C12orf42: variants seen among roughly 807,000 people sequenced by gnomAD.
C12orf42 encodes chromosome 12 open reading frame 42, also known as uncharacterized protein C12orf42.
Under a neutral mutation model 21.6 loss-of-function variants are expected in C12orf42, and 25 were observed. That is an observed-to-expected ratio of 1.16 (90% CI 0.84 to 1.62). C12orf42 has a LOEUF of 1.62. Among genes scored for constraint, C12orf42 ranks in the 40% most tolerant of loss-of-function variants. C12orf42 has a pLI of 0.00. For missense variants in C12orf42, 483 were observed against 459.3 expected (o/e 1.05, Z -0.47); for synonymous variants, 174 against 175.0 (o/e 0.99, Z 0.05).
intron 1 of C12orf42, among the ~76,000 whole-genome samples, chr12:103,480,799 TTA>T (rs1338538063): frequency 6.6e-6 from 1 of 151,652 alleles, no homozygotes; most frequent in Non-Finnish European, 1.5e-5. Context: ...ATTGAGAATT[TTA>T]TAGTCTCCAT....
chr12:103,256,584 C>T (rs2034630444), intron 10 of C12orf42, among the ~76,000 whole-genome samples: 1 of 152,052 alleles, frequency 6.6e-6, no homozygotes, highest in Admixed American at 6.6e-5. Context: ...ACCTAAGAAA[C>T]TGAAAATAGA....
chr12:103,435,095 T>TGACCCCC (rs769619302), intron 2 of C12orf42, among the ~76,000 whole-genome samples: 1 of 152,094 alleles, frequency 6.6e-6, no homozygotes, highest in South Asian at 2.1e-4. Flanking sequence ...CCCTGACCCC[T>TGACCCCC]GACCCCCGAG....
At chr12:103,547,444 T>C in the C12orf42 span, among the ~76,000 whole-genome samples, 1 of 152,198 alleles carries the variant, frequency 6.6e-6, no homozygotes, top group Non-Finnish European at 1.5e-5. Flanking sequence ...TTCAATCAGG[T>C]CGTGATTGTC....
chr12:103,507,178 T>TTATATATAATATATATATATTTATATTA, the C12orf42 span, among the ~76,000 whole-genome samples: 2 of 24,302 alleles, frequency 8.2e-5, no homozygotes, highest in Non-Finnish European at 1.1e-4. Flanking sequence ...TATATTTATA[T>TTATATATAATATATATATATTTATATTA]TATATATAAT....
the C12orf42 span, among the ~76,000 whole-genome samples, chr12:103,187,314 TA>T: frequency 3.3e-4 from 50 of 151,662 alleles, no homozygotes; most frequent in East Asian, 2.7e-3. Context: ...CCTTACAGAA[TA>T]AAAAAAAACT....
chr12:103,544,644 A>G, the C12orf42 span, among the ~76,000 whole-genome samples: 1 of 152,108 alleles, frequency 6.6e-6, no homozygotes, highest in Non-Finnish European at 1.5e-5. Flanking sequence ...ATATGAAACC[A>G]TCTCAGTCTA....
At chr12:103,108,346 C>A in the C12orf42 span, among the ~76,000 whole-genome samples, 3 of 151,688 alleles carry the variant, frequency 2.0e-5, no homozygotes, top group East Asian at 1.9e-4. Context: ...CAAAAGTAGA[C>A]AAATCAGTAT....
chr12:103,385,361 A>G (rs1195128289), intron 3 of C12orf42, among the ~76,000 whole-genome samples: 1 of 152,218 alleles, frequency 6.6e-6, no homozygotes, highest in Non-Finnish European at 1.5e-5. Context: ...CTGGAACTGA[A>G]TACCGTGTCA....
At chr12:103,522,686 C>T in the C12orf42 span, among the ~76,000 whole-genome samples, 1 of 152,220 alleles carries the variant, frequency 6.6e-6, no homozygotes, top group African/African-American at 2.4e-5. Context: ...CAGAGAGTCA[C>T]CAACAGGATT....
chr12:103,056,070 G>C, the C12orf42 span, among the ~76,000 whole-genome samples: 4 of 152,034 alleles, frequency 2.6e-5, no homozygotes, highest in African/African-American at 9.7e-5. Flanking sequence ...AGGTTTTGTT[G>C]AGTTCTTCTA....
intron 10 of C12orf42, among the ~76,000 whole-genome samples, chr12:103,257,949 G>A (rs1593225848): frequency 6.6e-6 from 1 of 151,820 alleles, no homozygotes; most frequent in Admixed American, 6.6e-5. Context: ...AAATCCTATG[G>A]TCATCTAGAA....
chr12:103,211,832 G>A, the C12orf42 span, among the ~76,000 whole-genome samples: 1 of 152,178 alleles, frequency 6.6e-6, no homozygotes, highest in Non-Finnish European at 1.5e-5. Flanking sequence ...ATACACAGTG[G>A]CACTTGTCAG....
the C12orf42 span, among the ~76,000 whole-genome samples, chr12:103,051,796 C>T: frequency 6.6e-6 from 1 of 152,286 alleles, no homozygotes; most frequent in African/African-American, 2.4e-5. Context: ...GCCAGTCTGT[C>T]TTGCTCCTTC....
chr12:103,440,408 T>TA (rs1388518819), intron 2 of C12orf42, among the ~76,000 whole-genome samples: 7 of 36,390 alleles, frequency 1.9e-4, no homozygotes, highest in East Asian at 6.1e-4. Flanking sequence ...TAAAGTATAA[T>TA]AAAAAAATAA....
chr12:103,308,663 C>T (rs898167006), intron 4 of C12orf42, among the ~76,000 whole-genome samples: 1 of 152,166 alleles, frequency 6.6e-6, no homozygotes, highest in African/African-American at 2.4e-5. Flanking sequence ...TGCAGGAAGG[C>T]ATTGGGCCTG....
the C12orf42 span, among the ~76,000 whole-genome samples, chr12:103,190,333 T>G: frequency 6.6e-6 from 1 of 152,162 alleles, no homozygotes; most frequent in South Asian, 2.1e-4. Flanking sequence ...GGCTGCTGAT[T>G]GGATGGTGCC....
the C12orf42 span, among the ~76,000 whole-genome samples, chr12:103,124,948 T>G: frequency 2.6e-5 from 4 of 152,324 alleles, no homozygotes; most frequent in South Asian, 8.3e-4. Flanking sequence ...CACATTTTAA[T>G]TCATTATCAG....
At chr12:103,332,533 T>C (rs561412416) in intron 4 of C12orf42, among the ~76,000 whole-genome samples, 1 of 152,262 alleles carries the variant, frequency 6.6e-6, no homozygotes, top group Non-Finnish European at 1.5e-5. Context: ...TGTTTGATTT[T>C]CTTTAATAGC....
At chr12:103,213,927 C>T in the C12orf42 span, among the ~76,000 whole-genome samples, 1 of 152,320 alleles carries the variant, frequency 6.6e-6, no homozygotes, top group Non-Finnish European at 1.5e-5. Context: ...ATACCCAGCA[C>T]ATGAGCTGAG....
Sources: allele counts gnomAD v4.1 joint callset (sites outside exome capture counted in the v4.1 genomes callset), GRCh38; gene constraint gnomAD v4.1.1; transcripts MANE v1.5; gene names NCBI Gene and HGNC (gene_info 2026-07-23, HGNC 2026-07-21).